The following SPEN variants were observed in gnomAD, a reference collection of about 807,000 sequenced individuals.
SPEN encodes msx2-interacting protein.
In SPEN, 18 loss-of-function variants were observed where a neutral mutation model predicts 269.9. The ratio of observed to expected loss-of-function variants is 0.07; its 90% CI spans 0.05 to 0.10. SPEN has a LOEUF of 0.10. Among genes scored for constraint, SPEN ranks in the 10% least tolerant of loss-of-function variants. The probability of loss-of-function intolerance (pLI) is 1.00; values close to 1 mark genes in which losing one functional copy is unlikely to be tolerated. For synonymous variants in SPEN, 1,726 were observed against 1,765.7 expected (o/e 0.98, Z 0.56); for missense variants, 3,822 against 4,631.2 (o/e 0.83, Z 5.07).
Position 15,896,826 on chromosome 1 carries a change from G to C in SPEN, c.882-12495G>C, listed in dbSNP as rs143061239. Among the ~76,000 whole-genome samples the C allele has an allele frequency of 7.9e-5, 12 of 152,286 alleles. No homozygotes were observed. In the East Asian group the frequency reaches 2.3e-3, roughly 29 times the overall value. ...TACAAGTAATTTTAAGTGTTAGCCT[G>C]GTGTGGTGGCGCATGCCTGTTGTCC... On this transcript the variant is annotated intron_variant, in intron 3 of 14. Coordinates refer to ENST00000375759, the MANE Select transcript of SPEN (RefSeq NM_015001.3).
chr1:15,854,262 G>C (rs1280466694), intron 1 of SPEN, among the ~76,000 whole-genome samples: 1 of 152,048 alleles, frequency 6.6e-6, no homozygotes, highest in Non-Finnish European at 1.5e-5. Flanking sequence ...AATAAGTGCT[G>C]TTCAGCCCCT....
chr1:15,900,302 C>G (rs2070887378), intron 3 of SPEN, among the ~76,000 whole-genome samples: 1 of 152,194 alleles, frequency 6.6e-6, no homozygotes, highest in African/African-American at 2.4e-5. Context: ...CTACCACCTT[C>G]AGGCCCTAGG....
At chr1:15,913,696 C>T (rs1310089116) in intron 5 of SPEN, among the ~76,000 whole-genome samples, 5 of 151,896 alleles carry the variant, frequency 3.3e-5, no homozygotes, top group Non-Finnish European at 5.9e-5. Flanking sequence ...TGAGATGTGC[C>T]TGGGCAACAA....
intron 3 of SPEN, among the ~76,000 whole-genome samples, chr1:15,901,731 G>A (rs1167692757): frequency 1.3e-5 from 2 of 151,122 alleles, no homozygotes; most frequent in African/African-American, 2.4e-5. Flanking sequence ...AAATGGTAAT[G>A]GTGTCACATC....
chr1:15,932,110 G>T lies in SPEN; in HGVS notation c.5870G>T (p.Arg1957Leu). The T allele has an allele frequency of 1.9e-6, 3 of 1,613,562 alleles. No homozygotes were observed. The highest frequency in any genetic ancestry group is 2.5e-6 in the Non-Finnish European group (3 of 1,179,966). ...TPRRGRPPKT[R>L]RRADEEEENE... is the part of the protein sequence containing the mutation. Reference sequence around the variant, plus strand: ...CGGAGGGGAAGGCCTCCAAAGACACGCCGGCGAGCCGATGAAGAGGAGGAG... The same window carrying T: ...CGGAGGGGAAGGCCTCCAAAGACACTCCGGCGAGCCGATGAAGAGGAGGAG... The change falls in exon 11 of 15, where the codon CGC becomes CTC. Residue 1957 changes from arginine (R) to leucine (L), a missense_variant. Arg to Leu is a moderately radical substitution (Grantham distance 102, BLOSUM62 -2). This residue lies in a region of SPEN where 533 missense variants were observed against 618.8 expected (regional missense o/e 0.86). Coordinates refer to ENST00000375759, the MANE Select transcript of SPEN (RefSeq NM_015001.3). This position sits in a 1 kb window ranked among gnomAD's most constrained non-coding sequence, Gnocchi z 4.2.
chr1:15,860,020 G>T (rs974243684), intron 1 of SPEN, among the ~76,000 whole-genome samples: 7 of 134,684 alleles, frequency 5.2e-5, no homozygotes, highest in African/African-American at 2.0e-4. Context: ...CATGCCATTC[G>T]CCTGCCTCAG....
chr1:15,859,876 A>C (rs1471695177), intron 1 of SPEN, among the ~76,000 whole-genome samples: 1 of 149,438 alleles, frequency 6.7e-6, no homozygotes, highest in Non-Finnish European at 1.5e-5. Context: ...TCAGGTATTT[A>C]ATAAGTATAA....
At chr1:15,879,610 T>C (rs2070667177) in intron 3 of SPEN, among the ~76,000 whole-genome samples, 1 of 152,060 alleles carries the variant, frequency 6.6e-6, no homozygotes, top group Admixed American at 6.6e-5. Flanking sequence ...TAGCTAGATG[T>C]ATTCATTTAT....
At chr1:15,894,545 T>G (rs925801292) in intron 3 of SPEN, among the ~76,000 whole-genome samples, 47 of 144,674 alleles carry the variant, frequency 3.2e-4, no homozygotes, top group African/African-American at 1.2e-3. Flanking sequence ...TGTTTTTTTT[T>G]TTTTTTTTTT....
chr1:15,930,126 C>G lies in SPEN; in HGVS notation c.3886C>G (p.Pro1296Ala), dbSNP rs141182991. The change falls in exon 11 of 15, where the codon CCC becomes GCC. Residue 1296 changes from proline to alanine, a missense_variant. Coordinates refer to ENST00000375759, the MANE Select transcript of SPEN (RefSeq NM_015001.3). The surrounding 1 kb of genome is among the most constrained non-coding windows in gnomAD (Gnocchi z 5.3). ...GSPKVDEKVL[P>A]YSNITVREES... ...TCCTAAAGTAGATGAAAAAGTCCTC[C>G]CCTATTCTAACATAACAGTCAGGGA... 55 of 1,614,162 alleles carry G rather than the reference C, an allele frequency of 3.4e-5. No individual in the cohort carries two copies. The African/African-American group carries it at 5.5e-4, about 16-fold the overall frequency.
intron 5 of SPEN, among the ~76,000 whole-genome samples, chr1:15,915,918 A>G (rs2071063014): frequency 6.6e-6 from 1 of 152,030 alleles, no homozygotes; most frequent in Non-Finnish European, 1.5e-5. Flanking sequence ...TTTTTTTTGA[A>G]ACGTTTATTT....
chr1:15,859,854 G>A (rs996595121), intron 1 of SPEN, among the ~76,000 whole-genome samples: 10 of 149,412 alleles, frequency 6.7e-5, no homozygotes, highest in Non-Finnish European at 1.5e-5. Flanking sequence ...TTAAAATGTT[G>A]ACTGGAGAGG....
intron 3 of SPEN, among the ~76,000 whole-genome samples, chr1:15,884,739 CT>C (rs33965389): frequency 0.89 from 129,723 of 145,788 alleles, 57,999 homozygotes; most frequent in African/African-American, 0.96. Context: ...CTTTTTCTTT[CT>C]TTTTTTTTTT....
At position 15,931,176 on chromosome 1, in the gene SPEN, A is replaced by T. The variant is rs201181350; in HGVS notation, c.4936A>T (p.Thr1646Ser). The change falls in exon 11 of 15, where the codon ACT becomes TCT. Residue 1646 changes from threonine to serine, a missense_variant. Physicochemically the swap from Thr to Ser is moderately conservative, Grantham distance 58. This residue lies in a region of SPEN where 533 missense variants were observed against 618.8 expected (regional missense o/e 0.86). Coordinates refer to ENST00000375759, the MANE Select transcript of SPEN (RefSeq NM_015001.3). The surrounding 1 kb of genome is among the most constrained non-coding windows in gnomAD (Gnocchi z 4.8). ...SVGPPSVTVV[T>S]LESAPSALEK... ...TGGGCCTCCAAGTGTCACAGTCGTA[A>T]CTCTAGAATCAGCCCCATCAGCACT... is the stretch of plus-strand genomic sequence containing the variant. 3.6e-4 allele frequency: 583 copies of T among 1,614,170 alleles called. No homozygotes were observed. The highest frequency in any genetic ancestry group is 4.7e-4 in the Non-Finnish European group (553 of 1,180,028).
chr1:15,885,378 A>G (rs1207941358), intron 3 of SPEN, among the ~76,000 whole-genome samples: 1 of 152,206 alleles, frequency 6.6e-6, no homozygotes, highest in Non-Finnish European at 1.5e-5. Flanking sequence ...TGATTAAAAC[A>G]TATTCATTGC....
rs139094912 is a variant in SPEN, at chr1:15,899,342, T to A, written c.882-9979T>A. 4.2e-3 allele frequency among the ~76,000 whole-genome samples: 637 copies of A among 152,012 alleles called. 9 individuals carry two copies. The highest frequency in any genetic ancestry group is 0.015 in the African/African-American group (602 of 41,462). On this transcript the variant is annotated intron_variant, in intron 3 of 14. Coordinates refer to ENST00000375759, the MANE Select transcript of SPEN (RefSeq NM_015001.3). ...GGCACATACCACCATGCCTGGCTAA[T>A]CGTTTTTGGTAATTTTTTGTAGAGA...
intron 5 of SPEN, among the ~76,000 whole-genome samples, chr1:15,915,324 T>TG (rs566547908): frequency 1.5e-4 from 23 of 151,862 alleles, no homozygotes; most frequent in East Asian, 1.2e-3. Flanking sequence ...GGCAACAGGC[T>TG]GGGGGGGTGG....
chr1:15,905,124 G>A (rs2070943217), intron 3 of SPEN, among the ~76,000 whole-genome samples: 1 of 151,902 alleles, frequency 6.6e-6, no homozygotes, highest in South Asian at 2.1e-4. Context: ...CTGACCTCAG[G>A]TAATCTACCT....
intron 10 of SPEN, 145 bp downstream of exon 10, chr1:15,922,494 T>C (rs907378707): frequency 3.4e-6 from 2 of 592,556 alleles, no homozygotes; most frequent in Non-Finnish European, 5.7e-6. Flanking sequence ...TCACTTCATA[T>C]GGAAACACAG....
Sources: gnomAD v4.1 joint callset for allele counts (sites outside exome capture counted in the v4.1 genomes callset) on GRCh38, gnomAD v4.1.1 for gene constraint, gnomAD v4.1.1 regional missense constraint, Gnocchi (gnomAD v3.1) non-coding constraint, MANE v1.5 for transcripts, NCBI Gene and HGNC (gene_info 2026-07-23, HGNC 2026-07-21) for gene names.